The following PAM variants were observed in gnomAD, a reference collection of about 807,000 sequenced individuals.
PAM encodes the protein peptidyl-glycine alpha-amidating monooxygenase.
PAM carries 72 observed loss-of-function variants against 122.1 expected under a neutral mutation model. That is an observed-to-expected ratio of 0.59 (90% confidence interval 0.49 to 0.72). PAM has a LOEUF of 0.72. Among genes scored for constraint, PAM ranks in the 30% least tolerant of loss-of-function variants. The probability of loss-of-function intolerance (pLI) is 0.00; values close to 1 mark genes in which losing one functional copy is unlikely to be tolerated. For synonymous variants in PAM, 389 were observed against 404.4 expected (o/e 0.96, Z 0.46); for missense variants, 1,106 against 1,183.7 (o/e 0.93, Z 0.96).
intron 1 of PAM, among the ~76,000 whole-genome samples, chr5:102,816,342 CTTACA>C (rs1561524164): frequency 6.6e-6 from 1 of 152,140 alleles, no homozygotes; most frequent in Non-Finnish European, 1.5e-5. Context: ...CCTCAAGGAA[CTTACA>C]TTATAGGAGG....
chr5:102,919,504 CT>C (rs1350156541), intron 5 of PAM, among the ~76,000 whole-genome samples: 1 of 152,024 alleles, frequency 6.6e-6, no homozygotes. Context: ...GCAATCCTCT[CT>C]TTGTTTTTTC....
chr5:102,900,348 G>A (rs1797448221), intron 3 of PAM, among the ~76,000 whole-genome samples: 1 of 150,666 alleles, frequency 6.6e-6, no homozygotes. Flanking sequence ...TCTAAGAAAT[G>A]AAACAATGCT....
At chr5:102,899,316 C>T (rs898489595) in intron 3 of PAM, among the ~76,000 whole-genome samples, 2 of 151,412 alleles carry the variant, frequency 1.3e-5, no homozygotes, top group Non-Finnish European at 3.0e-5. Flanking sequence ...CCTTTATTCT[C>T]TGTATTATAT....
intron 1 of PAM, among the ~76,000 whole-genome samples, chr5:102,786,499 T>A (rs991518639): frequency 9.2e-5 from 14 of 152,162 alleles, no homozygotes; most frequent in African/African-American, 3.1e-4. Context: ...CTGAGTTTTT[T>A]AATGTGGTTT....
chr5:102,922,506 G>A (rs1244175682), intron 5 of PAM, among the ~76,000 whole-genome samples: 1 of 152,162 alleles, frequency 6.6e-6, no homozygotes, highest in Non-Finnish European at 1.5e-5. Context: ...AAGGTCTTAC[G>A]TGTTATGCTA....
intron 21 of PAM, among the ~76,000 whole-genome samples, chr5:103,014,034 T>C (rs999257043): frequency 1.3e-5 from 2 of 152,188 alleles, no homozygotes; most frequent in African/African-American, 4.8e-5. Context: ...CAGATCCTTA[T>C]TGATTATCCA....
intron 3 of PAM, among the ~76,000 whole-genome samples, chr5:102,894,432 C>T (rs1255575706): frequency 6.6e-6 from 1 of 151,582 alleles, no homozygotes; most frequent in Admixed American, 6.6e-5. Flanking sequence ...ATGTGGCTAC[C>T]CTGATTTTTC....
intron 7 of PAM, among the ~76,000 whole-genome samples, chr5:102,928,144 G>A (rs1750242055): frequency 6.6e-6 from 1 of 152,134 alleles, no homozygotes; most frequent in South Asian, 2.1e-4. Context: ...TCATCATACT[G>A]GCGCAGGTTC....
chr5:102,984,689 G>C (rs1003423535), intron 15 of PAM, among the ~76,000 whole-genome samples: 7 of 152,108 alleles, frequency 4.6e-5, no homozygotes, highest in Non-Finnish European at 8.8e-5. Context: ...CATGTAGACA[G>C]AAAATAAACA....
At chr5:103,013,623 T>C (rs1298903247) in intron 21 of PAM, among the ~76,000 whole-genome samples, 1 of 152,168 alleles carries the variant, frequency 6.6e-6, no homozygotes, top group Non-Finnish European at 1.5e-5. Flanking sequence ...AGTAAAATGC[T>C]TCAATGTTTT....
chr5:102,839,131 A>G (rs1777858669), intron 1 of PAM, among the ~76,000 whole-genome samples: 1 of 152,200 alleles, frequency 6.6e-6, no homozygotes, highest in Non-Finnish European at 1.5e-5. Context: ...GAACATTACT[A>G]ATATCCCAGA....
chr5:102,772,420 T>G (rs1404068756), intron 1 of PAM, among the ~76,000 whole-genome samples: 1 of 152,092 alleles, frequency 6.6e-6, no homozygotes, highest in Non-Finnish European at 1.5e-5. Flanking sequence ...TCCTGATTCT[T>G]GCCCTCTGTG....
intron 21 of PAM, among the ~76,000 whole-genome samples, chr5:103,011,381 C>T (rs563627051): frequency 1.3e-5 from 1 of 76,858 alleles, no homozygotes; most frequent in Admixed American, 1.2e-4. Context: ...CACACACTCA[C>T]ACACACACAC....
At chr5:102,780,635 C>G (rs1318598108) in intron 1 of PAM, among the ~76,000 whole-genome samples, 3 of 152,064 alleles carry the variant, frequency 2.0e-5, no homozygotes, top group Non-Finnish European at 4.4e-5. Flanking sequence ...GGCAGCTCTC[C>G]CCACACCAGC....
intron 1 of PAM, among the ~76,000 whole-genome samples, chr5:102,762,627 T>A (rs1752677522): frequency 1.3e-5 from 2 of 152,202 alleles, no homozygotes; most frequent in East Asian, 3.8e-4. Flanking sequence ...GGGGAGAATT[T>A]AGAATTATAT....
intron 12 of PAM, among the ~76,000 whole-genome samples, chr5:102,954,821 G>C (rs1460287707): frequency 6.6e-6 from 1 of 152,006 alleles, no homozygotes; most frequent in East Asian, 1.9e-4. Context: ...ATTGGGACTA[G>C]GTAGACAATA....
intron 14 of PAM, among the ~76,000 whole-genome samples, chr5:102,963,542 A>G (rs1035654820): frequency 3.3e-5 from 5 of 151,904 alleles, no homozygotes; most frequent in Non-Finnish European, 7.4e-5. Flanking sequence ...ACATTGTACA[A>G]TTATTTTAAT....
intron 1 of PAM, among the ~76,000 whole-genome samples, chr5:102,777,772 C>G (rs1261514364): frequency 6.6e-6 from 1 of 152,070 alleles, no homozygotes; most frequent in Non-Finnish European, 1.5e-5. Context: ...CAGAAATAGA[C>G]AGCATATTGG....
At chr5:102,911,706 TC>T (rs2151543055) in intron 4 of PAM, among the ~76,000 whole-genome samples, 1 of 152,152 alleles carries the variant, frequency 6.6e-6, no homozygotes, top group South Asian at 2.1e-4. Flanking sequence ...ACAGCTGTCT[TC>T]CTTGCCCTTA....
Sources: gnomAD v4.1 joint callset for allele counts (sites outside exome capture counted in the v4.1 genomes callset) on GRCh38, gnomAD v4.1.1 for gene constraint, MANE v1.5 for transcripts, NCBI Gene and HGNC (gene_info 2026-07-23, HGNC 2026-07-21) for gene names.